The following PRLR variants were observed in gnomAD, a reference collection of about 807,000 sequenced individuals.
The protein encoded by PRLR is prolactin receptor, also known as hPRL receptor.
A neutral mutation model predicts 40.2 loss-of-function variants in PRLR; 13 were observed. The ratio of observed to expected loss-of-function variants is 0.32; its 90% CI spans 0.21 to 0.51. PRLR has a LOEUF of 0.51. PRLR is among the 20% of genes least tolerant of loss of function. PRLR has a pLI of 0.97. For missense variants in PRLR, 656 were observed against 747.3 expected (o/e 0.88, Z 1.42); for synonymous variants, 269 against 278.7 (o/e 0.97, Z 0.35).
At chr5:35,149,917 G>C (rs897222884) in intron 1 of PRLR, among the ~76,000 whole-genome samples, 3 of 151,774 alleles carry the variant, frequency 2.0e-5, no homozygotes, top group African/African-American at 7.3e-5. Flanking sequence ...GGAGTGCAAT[G>C]GCGCAATCTC....
chr5:35,071,666 C>T (rs968981132), intron 6 of PRLR, among the ~76,000 whole-genome samples: 5 of 152,118 alleles, frequency 3.3e-5, no homozygotes, highest in African/African-American at 9.7e-5. Context: ...GGCATGACCT[C>T]AGCCCACTGA....
chr5:35,129,219 G>A (rs1183580659), intron 1 of PRLR, among the ~76,000 whole-genome samples: 4 of 152,186 alleles, frequency 2.6e-5, no homozygotes, highest in Non-Finnish European at 2.9e-5. Context: ...TGCCAATTGA[G>A]AGAACTAAGA....
chr5:35,070,841 C>CAA (rs34668616), intron 6 of PRLR, among the ~76,000 whole-genome samples: 282 of 67,018 alleles, frequency 4.2e-3, no homozygotes, highest in Non-Finnish European at 5.4e-3. Flanking sequence ...AACTCCGTCT[C>CAA]AAAAAAAAAA....
chr5:35,155,415 C>T (rs73078803), intron 1 of PRLR, among the ~76,000 whole-genome samples: 20,067 of 151,896 alleles, frequency 0.13, 3,175 homozygotes, highest in African/African-American at 0.38. Flanking sequence ...AGAATATAAC[C>T]AATTGAGCTA....
chr5:35,061,758 T>C lies in PRLR; in HGVS notation c.*3331A>G, dbSNP rs1769052066. The C allele has an allele frequency of 1.3e-5, 2 of 152,156 alleles. No individual in the cohort carries two copies. The allele number at this position is 152,156 out of a possible 1,614,324, so 9.4% of individuals were successfully genotyped here. A position where few individuals can be genotyped will look rare whatever the true frequency, so the allele number is the denominator to read the frequency against. On this transcript the variant is annotated 3_prime_UTR_variant, in exon 10 of 10. Transcript: ENST00000618457. Reference sequence around the variant, plus strand: ...CCTTAAAACTTGAATATTTAGGTATTTGTTTATAAAAATACAACTTATTAT... The same window carrying C: ...CCTTAAAACTTGAATATTTAGGTATCTGTTTATAAAAATACAACTTATTAT...
intron 5 of PRLR, chr5:35,081,645 C>T (rs1770526386): frequency 6.5e-6 from 1 of 152,910 alleles, no homozygotes. Context: ...TCTTTTTAAA[C>T]ATACTACTTT....
At position 35,182,827 on chromosome 5, in the gene PRLR, G is replaced by T. The variant is rs1412125903; in HGVS notation, c.-106+47441C>A. On this transcript the variant is annotated intron_variant, in intron 1 of 9. Transcript: ENST00000618457. The stretch of plus-strand genomic sequence containing the variant: ...TTAACCTCACTGGGCACTGCCTTTG[G>T]GATACAATGATCTCTCAGAAGTATT... Among the ~76,000 whole-genome samples the T allele has an allele frequency of 3.3e-5, 5 of 152,178 alleles. No individual in the cohort carries two copies. In the East Asian group the frequency reaches 9.6e-4, roughly 29 times the overall value.
intron 1 of PRLR, among the ~76,000 whole-genome samples, chr5:35,154,622 A>T (rs1331644983): frequency 2.6e-5 from 4 of 152,192 alleles, no homozygotes; most frequent in African/African-American, 9.7e-5. Flanking sequence ...CACTTGACCC[A>T]GCAATTCCCT....
chr5:35,167,148 TC>T (rs1774859763), intron 1 of PRLR, among the ~76,000 whole-genome samples: 1 of 144,796 alleles, frequency 6.9e-6, no homozygotes, highest in Admixed American at 6.8e-5. Context: ...CATCTATCTA[TC>T]TATCTATCTA....
chr5:35,068,723 T>G lies in PRLR; in HGVS notation c.785+56A>C, dbSNP rs958430120. 1.6e-5 allele frequency: 21 copies of G among 1,286,630 alleles called. 1 individual carries two copies. The African/African-American group carries it at 1.9e-4, about 12-fold the overall frequency. The allele number at this position is 1,286,630 out of a possible 1,614,324, so 79.7% of individuals were successfully genotyped here. On this transcript the variant is annotated intron_variant, in intron 8 of 9. Transcript: ENST00000618457. ...TCCATCATCTTTGTATTTTTTTTTT[T>G]GTCATTATCCTTGACTATCATGATT...
intron 1 of PRLR, among the ~76,000 whole-genome samples, chr5:35,173,121 C>A (rs1775049374): frequency 6.6e-6 from 1 of 152,178 alleles, no homozygotes; most frequent in Non-Finnish European, 1.5e-5. Context: ...CCACATTGTT[C>A]ACTCGTTTTG....
intron 1 of PRLR, among the ~76,000 whole-genome samples, chr5:35,151,987 A>G (rs1221684441): frequency 6.6e-6 from 1 of 152,170 alleles, no homozygotes; most frequent in Non-Finnish European, 1.5e-5. Context: ...TTGTTACCAC[A>G]CCGTAATTTA....
intron 1 of PRLR, among the ~76,000 whole-genome samples, chr5:35,213,777 T>C: frequency 6.6e-6 from 1 of 152,320 alleles, no homozygotes; most frequent in East Asian, 1.9e-4. Context: ...TTGTAATTGT[T>C]TGGCCTTCCA....
At chr5:35,212,346 T>C (rs1348302160) in intron 1 of PRLR, among the ~76,000 whole-genome samples, 1 of 152,262 alleles carries the variant, frequency 6.6e-6, no homozygotes, top group African/African-American at 2.4e-5. Flanking sequence ...TTGATGCCTT[T>C]CAATTCTGGG....
chr5:35,118,935 C>T (rs956281955), intron 1 of PRLR, among the ~76,000 whole-genome samples: 10 of 152,036 alleles, frequency 6.6e-5, no homozygotes, highest in African/African-American at 2.2e-4. Context: ...GCTGGGACTA[C>T]AGGCACATGT....
Position 35,066,032 on chromosome 5 carries a change from T to C in PRLR, c.926A>G (p.Asp309Gly). 1 of 1,614,080 alleles carries C rather than the reference T, an allele frequency of 6.2e-7. No individual in the cohort carries two copies. The highest frequency in any genetic ancestry group is 8.5e-7 in the Non-Finnish European group (1 of 1,179,976). Reference protein sequence around the residue: ...QDFPPTSDYEDLLVEYLEVDD... With the variant: ...QDFPPTSDYEGLLVEYLEVDD... The stretch of plus-strand genomic sequence containing the variant: ...TACTTCTAAATACTCCACCAGCAAG[T>C]CCTCATAGTCAGAAGTGGGAGGAAA... The change falls in exon 10 of 10, where the codon GAC becomes GGC. Residue 309 changes from aspartate (D) to glycine (G), a missense_variant. By Grantham distance (94) the Asp-to-Gly change is moderately conservative. This residue lies in a region of PRLR where 469 missense variants were observed against 491.5 expected (regional missense o/e 0.95). Coordinates refer to ENST00000618457, the MANE Select transcript of PRLR (RefSeq NM_000949.7).
At chr5:35,195,874 T>A (rs900700993) in intron 1 of PRLR, among the ~76,000 whole-genome samples, 2 of 152,122 alleles carry the variant, frequency 1.3e-5, no homozygotes, top group African/African-American at 4.8e-5. Context: ...CTTGCTCACA[T>A]GTGTCTATTG....
downstream of PRLR, among the ~76,000 whole-genome samples, chr5:35,052,707 G>A (rs1439371082): frequency 6.6e-6 from 1 of 152,124 alleles, no homozygotes; most frequent in East Asian, 1.9e-4. Flanking sequence ...TTGACTGTAG[G>A]TCATAAGACC....
intron 1 of PRLR, among the ~76,000 whole-genome samples, chr5:35,229,530 G>C (rs1309016491): frequency 6.6e-6 from 1 of 152,044 alleles, no homozygotes; most frequent in Non-Finnish European, 1.5e-5. Flanking sequence ...CCAGTTACCT[G>C]AGTTTGCCTG....
Sources: gnomAD v4.1 joint callset for allele counts (sites outside exome capture counted in the v4.1 genomes callset) on GRCh38, gnomAD v4.1.1 for gene constraint, gnomAD v4.1.1 regional missense constraint, MANE v1.5 for transcripts, NCBI Gene and HGNC (gene_info 2026-07-23, HGNC 2026-07-21) for gene names.